Variants in BRWD3 observed in about 807,000 individuals in gnomAD.
The protein encoded by BRWD3 is bromodomain and WD repeat-containing protein 3.
Under a neutral mutation model 149.7 loss-of-function variants are expected in BRWD3, and 10 were observed. The observed-to-expected ratio is 0.07, with a 90% CI of 0.04 to 0.11. The LOEUF (loss-of-function observed/expected upper bound fraction) is 0.11, where lower values mean the gene tolerates loss of function less well. Among genes scored for constraint, BRWD3 ranks in the 10% least tolerant of loss-of-function variants. The probability of loss-of-function intolerance (pLI) is 1.00; values close to 1 mark genes in which losing one functional copy is unlikely to be tolerated. For synonymous variants in BRWD3, 504 were observed against 456.7 expected, an observed-to-expected ratio of 1.10 and a Z score of -1.32; for missense variants, 940 against 1,373.2, an observed-to-expected ratio of 0.68 and a Z score of 4.99.
At chrX:80,787,538 T>A (rs763849446) in intron 6 of BRWD3, among the ~76,000 whole-genome samples, 40 of 103,582 alleles carry the variant, frequency 3.9e-4, no homozygotes, top group South Asian at 1.7e-3. Flanking sequence ...GATGGCCTTT[T>A]CAACAAATGA....
chrX:80,701,158 A>T (rs993635121), intron 24 of BRWD3, among the ~76,000 whole-genome samples: 1 of 111,555 alleles, frequency 9.0e-6, no homozygotes. Context: ...ATGGAAGGAA[A>T]ATGAATTCAA....
At chrX:80,778,437 A>T (rs1297097322) in intron 6 of BRWD3, among the ~76,000 whole-genome samples, 1 of 111,731 alleles carries the variant, frequency 9.0e-6, no homozygotes, top group African/African-American at 3.3e-5. Flanking sequence ...CTTCAGCAAA[A>T]GATTAAGACT....
At chrX:80,709,793 T>A in intron 20 of BRWD3, 1 of 465,249 alleles carries the variant, frequency 2.1e-6, no homozygotes. Context: ...GTGATCAAAT[T>A]AAAGACAGTG....
intron 6 of BRWD3, among the ~76,000 whole-genome samples, chrX:80,790,951 G>C (rs1316234170): frequency 9.0e-6 from 1 of 111,363 alleles, no homozygotes; most frequent in Non-Finnish European, 1.9e-5. Context: ...ACTTTTCCAA[G>C]TAACATCCAA....
chrX:80,755,179 G>C (rs2073722962), intron 6 of BRWD3, among the ~76,000 whole-genome samples: 1 of 110,367 alleles, frequency 9.1e-6, no homozygotes, highest in Non-Finnish European at 1.9e-5. Context: ...TGTGCTGTTA[G>C]TTTACTTTTA....
At chrX:80,766,574 C>A (rs1569279324) in intron 6 of BRWD3, among the ~76,000 whole-genome samples, 1 of 112,148 alleles carries the variant, frequency 8.9e-6, no homozygotes, top group African/African-American at 3.2e-5. Context: ...AACTAGATCA[C>A]TAATGCATGG....
At position 80,676,966 on chromosome X, in the gene BRWD3, T is replaced by C. The variant is rs769966904; in HGVS notation, c.5052A>G (p.Arg1684=). ...GRWGRWGRWS[R]GGRGRGGRGR... ...CCCTGCCTCCTCTTCCTCTGCCTCC[T>C]CTACTCCATCTACCCCATCTTCCCC... Residue 1684 remains arginine, a synonymous_variant, in exon 41 of 41, where the codon AGA becomes AGG. Transcript: ENST00000373275. 5.0e-6 allele frequency: 6 copies of C among 1,201,142 alleles called. No individual in the cohort carries two copies. The highest frequency in any genetic ancestry group is 2.2e-5 in the Admixed American group (1 of 45,551).
At chrX:80,791,389 G>A (rs962013522) in intron 6 of BRWD3, among the ~76,000 whole-genome samples, 1 of 111,412 alleles carries the variant, frequency 9.0e-6, no homozygotes, top group Non-Finnish European at 1.9e-5. Context: ...TCTGGCCAGA[G>A]ATGTCCCAAG....
chrX:80,763,814 A>C (rs1020099401), intron 6 of BRWD3, among the ~76,000 whole-genome samples: 2 of 112,021 alleles, frequency 1.8e-5, no homozygotes, highest in African/African-American at 6.5e-5. Flanking sequence ...ATTCTCCCCA[A>C]ATGATTTACA....
At chrX:80,793,493 CA>C in intron 5 of BRWD3, 128 bp downstream of exon 5, 1 of 761,692 alleles carries the variant, frequency 1.3e-6, no homozygotes, top group East Asian at 3.5e-5. Context: ...ACTAAGAAAA[CA>C]AAAACAACAT....
At chrX:80,771,003 T>C (rs2073937652) in intron 6 of BRWD3, among the ~76,000 whole-genome samples, 1 of 111,329 alleles carries the variant, frequency 9.0e-6, no homozygotes, top group South Asian at 3.7e-4. Flanking sequence ...CCATTTACAA[T>C]TGCTACAAAG....
At chrX:80,808,119 C>G (rs2074368676) in intron 4 of BRWD3, among the ~76,000 whole-genome samples, 1 of 95,471 alleles carries the variant, frequency 1.0e-5, no homozygotes, top group Non-Finnish European at 2.1e-5. Flanking sequence ...TATTTCAGGC[C>G]AGGACCAACC....
chrX:80,730,088 A>T (rs1281477111), intron 12 of BRWD3, 68 bp from the exon 13 acceptor site: 1 of 745,025 alleles, frequency 1.3e-6, no homozygotes, highest in Admixed American at 2.5e-5. Context: ...TGATAATATA[A>T]GTAACACATT....
At position 80,703,329 on chromosome X, in the gene BRWD3, T is replaced by G. The variant is rs2072817342; in HGVS notation, c.2835+151A>C. 7 of 414,547 alleles carry G rather than the reference T, an allele frequency of 1.7e-5. No individual in the cohort carries two copies. The Middle Eastern group carries it at 2.0e-3, about 120-fold the overall frequency. The allele number at this position is 414,547 out of a possible 1,213,427, so 34.2% of individuals were successfully genotyped here. Reference sequence around the variant, plus strand: ...GGATACAAAGATTAATACTGTTCAGTCCCCTTCCACAAGAAATATATAATT... The same window carrying G: ...GGATACAAAGATTAATACTGTTCAGGCCCCTTCCACAAGAAATATATAATT... On this transcript the variant is annotated intron_variant, in intron 24 of 40. Transcript: ENST00000373275.
chrX:80,715,992 T>TTAA (rs916779256), intron 20 of BRWD3, among the ~76,000 whole-genome samples, 165 bp downstream of exon 20: 1 of 112,009 alleles, frequency 8.9e-6, no homozygotes, highest in African/African-American at 3.2e-5. Context: ...TTTGTTCTTA[T>TTAA]TAATAATAAT....
chrX:80,704,918 A>G, intron 22 of BRWD3, 72 bp from the exon 23 acceptor site: 1 of 1,008,022 alleles, frequency 9.9e-7, no homozygotes, highest in Non-Finnish European at 1.4e-6. Context: ...TTGAAAGATC[A>G]TTCTGTAAGC....
intron 6 of BRWD3, among the ~76,000 whole-genome samples, chrX:80,773,055 T>C (rs142549993): frequency 3.0e-3 from 335 of 111,985 alleles, no homozygotes; most frequent in Non-Finnish European, 4.9e-3. Context: ...CACAGATTAG[T>C]GATTGACAAG....
chrX:80,746,573 C>T (rs1039856265), intron 6 of BRWD3, among the ~76,000 whole-genome samples: 3 of 111,534 alleles, frequency 2.7e-5, no homozygotes, highest in African/African-American at 9.8e-5. Context: ...CCTTCATCTT[C>T]CCTTATACAC....
chrX:80,765,556 C>A (rs1258839629), intron 6 of BRWD3, among the ~76,000 whole-genome samples: 2 of 111,740 alleles, frequency 1.8e-5, no homozygotes, highest in African/African-American at 6.5e-5. Context: ...ACCATGTGAC[C>A]AGTTATAGAA....
Sources: gnomAD v4.1 joint callset for allele counts (sites outside exome capture counted in the v4.1 genomes callset) on GRCh38, gnomAD v4.1.1 for gene constraint, MANE v1.5 for transcripts, NCBI Gene and HGNC (gene_info 2026-07-23, HGNC 2026-07-21) for gene names.